NME8: variants seen among roughly 807,000 people sequenced by gnomAD.
NME8 encodes NME/NM23 family member 8, also known as protein NME8.
A neutral mutation model predicts 82.3 loss-of-function variants in NME8; 72 were observed. The ratio of observed to expected loss-of-function variants is 0.87; its 90% CI spans 0.72 to 1.06. NME8 has a LOEUF of 1.06. Ranked by LOEUF, NME8 falls within the 50% of genes least tolerant of loss-of-function variation. The pLI, the probability that NME8 is intolerant of heterozygous loss-of-function variation, is 0.00. For synonymous variants in NME8, 267 were observed against 228.5 expected, an observed-to-expected ratio of 1.17 and a Z score of -1.52; for missense variants, 712 against 685.4, an observed-to-expected ratio of 1.04 and a Z score of -0.43.
At chr7:37,850,798 T>G in intron 5 of NME8, 63 bp downstream of exon 5, 1 of 1,023,912 alleles carries the variant, frequency 9.8e-7, no homozygotes, top group Admixed American at 1.7e-5. Flanking sequence ...AAGTATCCTC[T>G]AATACTTTAA....
chr7:37,898,631 G>T (rs556655888), intron 17 of NME8, among the ~76,000 whole-genome samples: 1 of 152,300 alleles, frequency 6.6e-6, no homozygotes, highest in East Asian at 1.9e-4. Context: ...AACACATATT[G>T]TATGTTACCA....
chr7:37,850,320 A>G (rs377033672), intron 3 of NME8, 21 bp downstream of exon 3: 97 of 1,614,016 alleles, frequency 6.0e-5, no homozygotes, highest in African/African-American at 1.1e-4. Flanking sequence ...CATATCAACA[A>G]TTCTTTATCT....
chr7:37,878,142 C>A (rs1033566783), intron 12 of NME8, among the ~76,000 whole-genome samples: 1 of 152,170 alleles, frequency 6.6e-6, no homozygotes, highest in Non-Finnish European at 1.5e-5. Flanking sequence ...ATTACCACCT[C>A]TTCCTAGTTT....
chr7:37,881,150 C>T (rs1562837416), intron 12 of NME8, among the ~76,000 whole-genome samples: 1 of 152,056 alleles, frequency 6.6e-6, no homozygotes. Flanking sequence ...CCTTTTATTT[C>T]CTTTTCTTGT....
At position 37,894,470 on chromosome 7, in the gene NME8, G is replaced by A; in HGVS notation, c.1404G>A (p.Gln468=). 1 of 1,612,688 alleles carries A rather than the reference G, an allele frequency of 6.2e-7. No homozygotes were observed. The change falls in exon 16 of 18, where the codon CAG becomes CAA. Residue 468 remains glutamine, a synonymous_variant. Transcript: ENST00000199447. ...KPHATSEQRE[Q]ILKIVKEAGF... ...TCAAATATTTGTTTTTCTTAGAGCAGATCCTGAAGATAGTTAAGGAGGCTG... is the reference window on the plus strand; with the variant it reads ...TCAAATATTTGTTTTTCTTAGAGCAAATCCTGAAGATAGTTAAGGAGGCTG...
chr7:37,885,034 A>T, intron 13 of NME8, 111 bp from the exon 14 acceptor site: 1 of 721,590 alleles, frequency 1.4e-6, no homozygotes, highest in Admixed American at 2.2e-5. Context: ...AGATTATTTT[A>T]CATGTTACAT....
In NME8 at chr7:37,867,745, G is replaced by A. The variant is rs1396655500; in HGVS notation, c.665G>A (p.Ser222Asn). ...EFVSFMTSGLSYILVVSQGSK... is the reference protein window; with the variant it reads ...EFVSFMTSGLNYILVVSQGSK... Reference sequence around the variant, plus strand: ...GTCTCTTTTATGACAAGTGGCTTAAGCTATATTCTAGTTGTATCTCAAGGA... The same window carrying A: ...GTCTCTTTTATGACAAGTGGCTTAAACTATATTCTAGTTGTATCTCAAGGA... The change falls in exon 11 of 18, where the codon AGC (serine) becomes AAC (asparagine). Residue 222 changes from serine (S) to asparagine (N), a missense_variant. Ser to Asn is a conservative substitution (Grantham distance 46). Coordinates refer to ENST00000199447, the MANE Select transcript of NME8 (RefSeq NM_016616.5). The A allele has an allele frequency of 3.1e-6, 5 of 1,613,658 alleles. No individual in the cohort carries two copies. The highest frequency in any genetic ancestry group is 1.1e-5 in the South Asian group (1 of 91,074).
intron 16 of NME8, among the ~76,000 whole-genome samples, chr7:37,895,053 G>C (rs376306261): frequency 6.6e-6 from 1 of 152,120 alleles, no homozygotes; most frequent in African/African-American, 2.4e-5. Context: ...TATCTAATAG[G>C]CTTGTTGGCA....
chr7:37,898,770 A>G (rs999690896), intron 17 of NME8, among the ~76,000 whole-genome samples: 5 of 152,186 alleles, frequency 3.3e-5, no homozygotes, highest in Admixed American at 6.5e-5. Context: ...TTGACAAAAT[A>G]TTTTGGAAAT....
intron 5 of NME8, among the ~76,000 whole-genome samples, chr7:37,856,982 T>C (rs952573529): frequency 6.6e-6 from 1 of 152,010 alleles, no homozygotes; most frequent in Non-Finnish European, 1.5e-5. Context: ...GGAGGAAGGA[T>C]AGTTGAACAG....
At chr7:37,875,910 T>A (rs1386114800) in intron 11 of NME8, among the ~76,000 whole-genome samples, 1 of 151,978 alleles carries the variant, frequency 6.6e-6, no homozygotes, top group Admixed American at 6.6e-5. Flanking sequence ...ATTCCATAAA[T>A]AATATATAAT....
intron 17 of NME8, among the ~76,000 whole-genome samples, chr7:37,898,757 A>C (rs1439956045): frequency 2.6e-5 from 4 of 152,198 alleles, no homozygotes; most frequent in Non-Finnish European, 5.9e-5. Context: ...GTTTTCCTTT[A>C]AGTTGACAAA....
intron 5 of NME8, among the ~76,000 whole-genome samples, chr7:37,856,886 AG>A (rs1411980781): frequency 6.6e-6 from 1 of 152,160 alleles, no homozygotes; most frequent in Non-Finnish European, 1.5e-5. Context: ...GAATATTGAA[AG>A]GGACATAGGT....
chr7:37,888,481 A>G, intron 15 of NME8, 53 bp downstream of exon 15: 1 of 1,544,924 alleles, frequency 6.5e-7, no homozygotes, highest in Non-Finnish European at 8.8e-7. Context: ...AATTTTGTGA[A>G]CATTTAAAAA....
In NME8 at chr7:37,880,045, A is replaced by G. The variant is rs1262048373; in HGVS notation, c.994+3038A>G. Among the ~76,000 whole-genome samples the G allele has an allele frequency of 2.0e-5, 3 of 151,528 alleles. No individual in the cohort carries two copies. The East Asian group carries it at 5.8e-4, about 29-fold the overall frequency. On this transcript the variant is annotated intron_variant, in intron 12 of 17. Transcript: ENST00000199447. ...ATACTTTTTGCCCATTTCTTAATTG[A>G]GTTGTTCATTTTCCTCATTGTTGAG...
At chr7:37,867,345 C>T (rs573618344) in intron 10 of NME8, among the ~76,000 whole-genome samples, 1 of 151,418 alleles carries the variant, frequency 6.6e-6, no homozygotes, top group Non-Finnish European at 1.5e-5. Flanking sequence ...AAATGAGAGG[C>T]ACGTTTGCCT....
chr7:37,885,411 AAC>A (rs1279627606), intron 14 of NME8, among the ~76,000 whole-genome samples, 159 bp downstream of exon 14: 1 of 152,230 alleles, frequency 6.6e-6, no homozygotes, highest in Non-Finnish European at 1.5e-5. Flanking sequence ...CTGGAGGTCC[AAC>A]CCAGTGACAG....
intron 6 of NME8, among the ~76,000 whole-genome samples, chr7:37,860,293 T>C (rs1294524156): frequency 2.0e-5 from 3 of 152,238 alleles, no homozygotes; most frequent in Non-Finnish European, 4.4e-5. Flanking sequence ...TTATATTTAA[T>C]TTTACTTCTT....
intron 11 of NME8, 97 bp downstream of exon 11, chr7:37,867,995 T>C: frequency 2.1e-6 from 2 of 942,002 alleles, no homozygotes; most frequent in Non-Finnish European, 3.4e-6. Flanking sequence ...AATGTTTTTA[T>C]GTTAAAGGCA....
Sources: gnomAD v4.1 joint callset for allele counts (sites outside exome capture counted in the v4.1 genomes callset) on GRCh38, gnomAD v4.1.1 for gene constraint, MANE v1.5 for transcripts, NCBI Gene and HGNC (gene_info 2026-07-23, HGNC 2026-07-21) for gene names.